Variants in ALMS1 observed in about 807,000 individuals in gnomAD.
ALMS1 encodes centrosome-associated protein ALMS1.
A neutral mutation model predicts 352.2 loss-of-function variants in ALMS1; 271 were observed. The observed-to-expected ratio is 0.77, with a 90% CI of 0.70 to 0.85. ALMS1 has a LOEUF of 0.85. Ranked by LOEUF, ALMS1 falls within the 40% of genes least tolerant of loss-of-function variation. The probability of loss-of-function intolerance (pLI) is 0.00; values close to 1 mark genes in which losing one functional copy is unlikely to be tolerated. For synonymous variants in ALMS1, 1,865 were observed against 1,761.2 expected, an observed-to-expected ratio of 1.06 and a Z score of -1.48; for missense variants, 5,445 against 4,870.7, an observed-to-expected ratio of 1.12 and a Z score of -3.51.
chr2:73,385,826 C>T (rs1016268902), upstream of ALMS1: 12 of 687,600 alleles, frequency 1.7e-5, no homozygotes, highest in African/African-American at 7.1e-5. Flanking sequence ...CCCTCCCTCC[C>T]CCCCTCCTCC....
intron 9 of ALMS1, among the ~76,000 whole-genome samples, chr2:73,476,042 C>T (rs938848719): frequency 9.9e-5 from 15 of 152,044 alleles, no homozygotes; most frequent in African/African-American, 3.4e-4. Flanking sequence ...TAAACAACAA[C>T]TCCCCATTTT....
chr2:73,546,124 G>A (rs945165002), intron 12 of ALMS1, among the ~76,000 whole-genome samples: 1 of 152,176 alleles, frequency 6.6e-6, no homozygotes, highest in Non-Finnish European at 1.5e-5. Flanking sequence ...ACCTTCAAGG[G>A]TGATTTTGAC....
chr2:73,591,567 A>G (rs1675434084), intron 16 of ALMS1, among the ~76,000 whole-genome samples: 1 of 152,208 alleles, frequency 6.6e-6, no homozygotes, highest in African/African-American at 2.4e-5. Context: ...GAGGAAATTA[A>G]TTCTGACTGA....
chr2:73,526,935 G>A (rs1393643997), intron 11 of ALMS1, among the ~76,000 whole-genome samples: 2 of 151,988 alleles, frequency 1.3e-5, no homozygotes, highest in African/African-American at 4.8e-5. Flanking sequence ...ATTATGTTGA[G>A]GTATGTGTTC....
intron 16 of ALMS1, among the ~76,000 whole-genome samples, chr2:73,574,517 G>A (rs1030434222): frequency 3.3e-5 from 5 of 152,060 alleles, no homozygotes; most frequent in Admixed American, 1.3e-4. Flanking sequence ...ATTTTTGTCA[G>A]ATTACATGAT....
At chr2:73,422,021 TACTG>T (rs768608951) in intron 3 of ALMS1, among the ~76,000 whole-genome samples, 7 of 152,180 alleles carry the variant, frequency 4.6e-5, no homozygotes, top group African/African-American at 1.2e-4. Flanking sequence ...TTTTAAAAAT[TACTG>T]ACAACTCCAA....
intron 11 of ALMS1, among the ~76,000 whole-genome samples, chr2:73,520,829 T>A (rs998296172): frequency 6.6e-6 from 1 of 152,226 alleles, no homozygotes; most frequent in Non-Finnish European, 1.5e-5. Context: ...TAGACCAAAT[T>A]GTAAATTATT....
chr2:73,586,715 T>A (rs1675321204), intron 16 of ALMS1, among the ~76,000 whole-genome samples: 2 of 152,336 alleles, frequency 1.3e-5, no homozygotes, highest in African/African-American at 4.8e-5. Flanking sequence ...TGCTTAGTCA[T>A]GCTTCGGCTG....
intron 11 of ALMS1, among the ~76,000 whole-genome samples, chr2:73,529,001 C>A (rs956484854): frequency 7.1e-6 from 1 of 140,056 alleles, no homozygotes; most frequent in South Asian, 2.3e-4. Flanking sequence ...AGTTCTTTCT[C>A]TGTGTCATCT....
intron 7 of ALMS1, among the ~76,000 whole-genome samples, chr2:73,442,105 A>T (rs1350044194): frequency 2.0e-5 from 3 of 152,148 alleles, no homozygotes; most frequent in Non-Finnish European, 4.4e-5. Flanking sequence ...TAAGCATTTT[A>T]TGTATTATTA....
At chr2:73,528,503 G>C (rs1415979362) in intron 11 of ALMS1, among the ~76,000 whole-genome samples, 1 of 151,952 alleles carries the variant, frequency 6.6e-6, no homozygotes, top group African/African-American at 2.4e-5. Context: ...TATAATTTTT[G>C]TCTTAAAGTC....
rs1355015044 is a variant in ALMS1 at position 73,599,490 on chromosome 2, T to C, written c.11637T>C (p.Asn3879=). 2 of 1,613,678 alleles carry C rather than the reference T, an allele frequency of 1.2e-6. No homozygotes were observed. Among genetic ancestry groups the C allele is most frequent in the Non-Finnish European group, 1.7e-6 (2 of 1,179,718 alleles). The change falls in exon 17 of 23, where the codon AAT becomes AAC. Residue 3879 remains asparagine, a synonymous_variant. Coordinates refer to ENST00000613296, the MANE Select transcript of ALMS1 (RefSeq NM_001378454.1). ...ACTCTACTTTTTGCAACAAGCAGAA[T>C]GTACACATGTTAAACAAGGGCATAC... ...SSNSTFCNKQ[N]VHMLNKGIQA...
At chr2:73,540,848 A>G (rs1043389159) in intron 12 of ALMS1, among the ~76,000 whole-genome samples, 1 of 152,242 alleles carries the variant, frequency 6.6e-6, no homozygotes, top group Non-Finnish European at 1.5e-5. Flanking sequence ...TGTGCACCCA[A>G]TACAGGAGCA....
At chr2:73,396,521 C>T (rs1309449504) in intron 1 of ALMS1, among the ~76,000 whole-genome samples, 1 of 132,298 alleles carries the variant, frequency 7.6e-6, no homozygotes, top group African/African-American at 2.9e-5. Context: ...TTTGAAAGTT[C>T]GATAGGTTAC....
intron 11 of ALMS1, among the ~76,000 whole-genome samples, chr2:73,520,527 C>T (rs949764537): frequency 3.9e-5 from 6 of 152,154 alleles, no homozygotes; most frequent in Non-Finnish European, 8.8e-5. Flanking sequence ...GCTCTGTTTT[C>T]TTTAAAATAT....
At chr2:73,435,705 C>G (rs1168986073) in intron 7 of ALMS1, among the ~76,000 whole-genome samples, 1 of 151,936 alleles carries the variant, frequency 6.6e-6, no homozygotes, top group African/African-American at 2.4e-5. Context: ...GATCCTCCTG[C>G]CTCAGCCTCC....
chr2:73,486,085 C>G (rs1672836918), intron 9 of ALMS1, among the ~76,000 whole-genome samples: 1 of 152,014 alleles, frequency 6.6e-6, no homozygotes, highest in Non-Finnish European at 1.5e-5. Context: ...ATTCGGCCAT[C>G]TTGGCTCCTG....
chr2:73,466,435 G>A (rs912205143), intron 9 of ALMS1, among the ~76,000 whole-genome samples: 2 of 136,904 alleles, frequency 1.5e-5, no homozygotes, highest in Non-Finnish European at 3.0e-5. Context: ...ATTGAACAAT[G>A]AGAACACATG....
intron 12 of ALMS1, among the ~76,000 whole-genome samples, chr2:73,545,015 A>G (rs528543021): frequency 1.3e-5 from 2 of 152,190 alleles, no homozygotes; most frequent in East Asian, 3.9e-4. Context: ...TGTGTTTACT[A>G]GGGGCTGGGG....
Sources: gnomAD v4.1 joint callset for allele counts (sites outside exome capture counted in the v4.1 genomes callset) on GRCh38, gnomAD v4.1.1 for gene constraint, MANE v1.5 for transcripts, NCBI Gene and HGNC (gene_info 2026-07-23, HGNC 2026-07-21) for gene names.